The following RNF144A variants were observed in gnomAD, a reference collection of about 807,000 sequenced individuals.
RNF144A encodes the protein E3 ubiquitin-protein ligase RNF144A.
RNF144A carries 11 observed loss-of-function variants against 38.7 expected under a neutral mutation model. The observed-to-expected ratio is 0.28, with a 90% CI of 0.18 to 0.47. RNF144A has a LOEUF of 0.47. RNF144A is among the 20% of genes least tolerant of loss of function. RNF144A has a pLI of 0.99. For missense variants in RNF144A, 316 were observed against 377.2 expected, an observed-to-expected ratio of 0.84 and a Z score of 1.34; for synonymous variants, 149 against 143.9, an observed-to-expected ratio of 1.04 and a Z score of -0.25.
rs989891560 is a variant in RNF144A, at chr2:6,941,352, A to G, written c.-12+205A>G. On this transcript the variant is annotated intron_variant, in intron 2 of 8. Transcript: ENST00000320892. The surrounding 1 kb of genome is among the most constrained non-coding windows in gnomAD (Gnocchi z 6.5). ...GTTCAACACATTATTTTATGCCATC[A>G]TAGTTGTTTATACTTTGGAAAGATT... Among the ~76,000 whole-genome samples the G allele has an allele frequency of 6.6e-6, 1 of 152,220 alleles. No homozygotes were observed. Among genetic ancestry groups the G allele is most frequent in the African/African-American group, 2.4e-5 (1 of 41,442 alleles).
intron 1 of RNF144A, among the ~76,000 whole-genome samples, chr2:6,938,541 C>T (rs796218422): frequency 1.2e-4 from 19 of 152,172 alleles, no homozygotes; most frequent in Admixed American, 2.0e-4. Flanking sequence ...CCACTGTGCC[C>T]GGCCTCTTTC....
rs56303967 is a variant in RNF144A, at chr2:6,971,188, T to C, written c.-11-25728T>C. Among the ~76,000 whole-genome samples the C allele has an allele frequency of 5.1e-3, 781 of 152,280 alleles. 4 individuals carry two copies. Among genetic ancestry groups the C allele is most frequent in the African/African-American group, 0.018 (742 of 41,558 alleles). The stretch of plus-strand genomic sequence containing the variant: ...TCCTTGTTGCAGGAGCTCCAGCTGG[T>C]TGGACAGTAACCTCTGGCTGGGGAG... On this transcript the variant is annotated intron_variant, in intron 2 of 8. Coordinates refer to ENST00000320892, the MANE Select transcript of RNF144A (RefSeq NM_014746.6).
At chr2:7,038,845 GGTGGGTGA>G (rs1194391015) in intron 8 of RNF144A, among the ~76,000 whole-genome samples, 5 of 151,836 alleles carry the variant, frequency 3.3e-5, no homozygotes, top group Admixed American at 6.6e-5. Flanking sequence ...TAAAGAGATG[GGTGGGTGA>G]GTGGGTGAAT....
rs1239178282 is a variant in RNF144A, at chr2:6,917,843, C to G, written c.-212+221C>G. Among the ~76,000 whole-genome samples the G allele has an allele frequency of 6.6e-6, 1 of 150,976 alleles. No homozygotes were observed. The highest frequency in any genetic ancestry group is 1.5e-5 in the Non-Finnish European group (1 of 67,620). ...CAGAGGACGCCCGCCCTGCCCTGCC[C>G]GTGTCCCTGACCTCGTCCCTGCTCT... On this transcript the variant is annotated intron_variant, in intron 1 of 8. Transcript: ENST00000320892. This position sits in a 1 kb window ranked among gnomAD's most constrained non-coding sequence, Gnocchi z 4.8.
intron 3 of RNF144A, among the ~76,000 whole-genome samples, chr2:6,997,634 C>T (rs1165675694): frequency 6.6e-6 from 1 of 152,140 alleles, no homozygotes; most frequent in African/African-American, 2.4e-5. Flanking sequence ...AAACTCAAAT[C>T]CCAAATTTTA....
chr2:6,970,842 C>A (rs1667961347), intron 2 of RNF144A, among the ~76,000 whole-genome samples: 1 of 152,190 alleles, frequency 6.6e-6, no homozygotes, highest in Non-Finnish European at 1.5e-5. Context: ...GTGGCCTAGT[C>A]CTTCCTCCTG....
intron 2 of RNF144A, among the ~76,000 whole-genome samples, chr2:6,976,749 T>C (rs1307771462): frequency 6.6e-6 from 1 of 151,788 alleles, no homozygotes; most frequent in Non-Finnish European, 1.5e-5. Context: ...TGTGTGAGTA[T>C]GTACTACCCT....
rs1399535632 is a variant in RNF144A at position 6,941,506 on chromosome 2, T to C, written c.-12+359T>C. Among the ~76,000 whole-genome samples the C allele has an allele frequency of 2.0e-5, 3 of 152,210 alleles. No individual in the cohort carries two copies. The highest frequency in any genetic ancestry group is 4.8e-5 in the African/African-American group (2 of 41,458). On this transcript the variant is annotated intron_variant, in intron 2 of 8. Transcript: ENST00000320892. This position sits in a 1 kb window ranked among gnomAD's most constrained non-coding sequence, Gnocchi z 6.5. ...GGCACAGCTCTAACTCAGAACTCAG[T>C]GAGGCAGCACCAGTGCCTGCTCTCA...
intron 3 of RNF144A, among the ~76,000 whole-genome samples, chr2:7,008,693 A>G (rs1670608365): frequency 1.3e-5 from 2 of 152,140 alleles, no homozygotes; most frequent in African/African-American, 4.8e-5. Context: ...GTCTTGGACA[A>G]ACTCAACACT....
chr2:7,067,737 G>T (rs1430593930), intron 6 of RNF144A, among the ~76,000 whole-genome samples: 1 of 152,124 alleles, frequency 6.6e-6, no homozygotes, highest in Non-Finnish European at 1.5e-5. Flanking sequence ...TCCTTGCTTG[G>T]CCAAACTGTA....
chr2:6,954,794 G>T (rs890506057), intron 2 of RNF144A, among the ~76,000 whole-genome samples: 4 of 152,194 alleles, frequency 2.6e-5, no homozygotes, highest in Non-Finnish European at 5.9e-5. Flanking sequence ...TAAGTCCAGG[G>T]CCATGTGACA....
rs1293883277 is a variant in RNF144A at position 6,941,615 on chromosome 2, G to T, written c.-12+468G>T. 2.6e-5 allele frequency among the ~76,000 whole-genome samples: 4 copies of T among 152,242 alleles called. No individual in the cohort carries two copies. The highest frequency in any genetic ancestry group is 9.6e-5 in the African/African-American group (4 of 41,464). Reference sequence around the variant, plus strand: ...AGAGACAGACAATTCTCATTTGACAGTAGCCGGAAGCAAATTATATACTAT... The same window carrying T: ...AGAGACAGACAATTCTCATTTGACATTAGCCGGAAGCAAATTATATACTAT... On this transcript the variant is annotated intron_variant, in intron 2 of 8. Coordinates refer to ENST00000320892, the MANE Select transcript of RNF144A (RefSeq NM_014746.6). This position sits in a 1 kb window ranked among gnomAD's most constrained non-coding sequence, Gnocchi z 6.5.
chr2:7,007,317 C>A (rs561528219), intron 3 of RNF144A, among the ~76,000 whole-genome samples: 58 of 152,340 alleles, frequency 3.8e-4, no homozygotes, highest in South Asian at 3.3e-3. Context: ...CTGGAAAATT[C>A]AGATCTTCCC....
intron 6 of RNF144A, among the ~76,000 whole-genome samples, chr2:7,021,095 C>G (rs1671499220): frequency 6.6e-6 from 1 of 152,148 alleles, no homozygotes; most frequent in Non-Finnish European, 1.5e-5. Context: ...TAAATACTGT[C>G]TGGAGGGGGA....
intron 2 of RNF144A, among the ~76,000 whole-genome samples, chr2:6,963,141 T>TGAACAGACA (rs577926780): frequency 2.4e-4 from 37 of 152,174 alleles, no homozygotes; most frequent in Admixed American, 2.2e-3. Context: ...GACTGAGACC[T>TGAACAGACA]GAACAGACAG....
At chr2:7,058,167 G>T (rs1673811371) in intron 6 of RNF144A, among the ~76,000 whole-genome samples, 1 of 152,062 alleles carries the variant, frequency 6.6e-6, no homozygotes, top group Non-Finnish European at 1.5e-5. Flanking sequence ...AGCTCACTCT[G>T]AGGACCTAGG....
At chr2:6,998,540 C>G (rs1669904399) in intron 3 of RNF144A, among the ~76,000 whole-genome samples, 1 of 152,132 alleles carries the variant, frequency 6.6e-6, no homozygotes, top group Non-Finnish European at 1.5e-5. Flanking sequence ...AGTGCAGGAC[C>G]CAGAAGAGCT....
At chr2:7,062,584 A>T (rs933739486) in intron 6 of RNF144A, 1 of 152,096 alleles carries the variant, frequency 6.6e-6, no homozygotes, top group Non-Finnish European at 1.5e-5. Flanking sequence ...GCATTATAGT[A>T]GCAGGGACAT....
At position 6,933,946 on chromosome 2, in the gene RNF144A, G is replaced by T. The variant is rs538393693; in HGVS notation, c.-211-7002G>T. ...TGCTGTTGTGAAGATTGCTTCCAGGGTTTTTTGTTTTTGTTTTTGTTTTGT... is the reference window on the plus strand; with the variant it reads ...TGCTGTTGTGAAGATTGCTTCCAGGTTTTTTTGTTTTTGTTTTTGTTTTGT... On this transcript the variant is annotated intron_variant, in intron 1 of 8. Coordinates refer to ENST00000320892, the MANE Select transcript of RNF144A (RefSeq NM_014746.6). Among the ~76,000 whole-genome samples, 322 of 152,066 alleles carry T rather than the reference G, an allele frequency of 2.1e-3. 2 individuals are homozygous for T. The highest frequency in any genetic ancestry group is 7.6e-3 in the African/African-American group (315 of 41,494).
Sources: gnomAD v4.1 joint callset for allele counts (sites outside exome capture counted in the v4.1 genomes callset) on GRCh38, gnomAD v4.1.1 for gene constraint, Gnocchi (gnomAD v3.1) non-coding constraint, MANE v1.5 for transcripts, NCBI Gene and HGNC (gene_info 2026-07-23, HGNC 2026-07-21) for gene names.